The following TRIM44 variants were observed in gnomAD, a reference collection of about 807,000 sequenced individuals.
TRIM44 encodes tripartite motif-containing protein 44.
In TRIM44, 13 loss-of-function variants were observed where a neutral mutation model predicts 37.4. The observed-to-expected ratio is 0.35, with a 90% CI of 0.23 to 0.55. The LOEUF (loss-of-function observed/expected upper bound fraction) is 0.55. TRIM44 is among the 20% of genes least tolerant of loss of function. TRIM44 has a pLI of 0.89. For missense variants in TRIM44, 426 were observed against 437.2 expected (o/e 0.97, Z 0.23); for synonymous variants, 175 against 157.2 (o/e 1.11, Z -0.85).
intron 2 of TRIM44, among the ~76,000 whole-genome samples, chr11:35,710,137 C>T (rs911897423): frequency 1.1e-4 from 16 of 152,092 alleles, no homozygotes; most frequent in Non-Finnish European, 2.9e-5. Flanking sequence ...GCGCATACTC[C>T]TAAATTAAGT....
At position 35,715,425 on chromosome 11, in the gene TRIM44, T is replaced by TGG. The variant is rs145327895; in HGVS notation, c.748-10498_748-10497insGG. Among the ~76,000 whole-genome samples the TGG allele has an allele frequency of 7.7e-3, 1,156 of 150,818 alleles. 20 individuals are homozygous for TGG. The highest frequency in any genetic ancestry group is 0.027 in the African/African-American group (1,085 of 40,698). On this transcript the variant is annotated intron_variant, in intron 2 of 4. Transcript: ENST00000299413. Reference sequence around the variant, plus strand: ...GTGTATGTGTGTGTGTGTGTGTGTGTGTGTGGGTGTGGGTGTGGGTGTACA... The same window carrying TGG: ...GTGTATGTGTGTGTGTGTGTGTGTGTGGGTGTGGGTGTGGGTGTGGGTGTACA...
chr11:35,732,212 A>G (rs908393535), intron 3 of TRIM44, among the ~76,000 whole-genome samples: 1 of 152,188 alleles, frequency 6.6e-6, no homozygotes, highest in African/African-American at 2.4e-5. Context: ...TCATCATTAC[A>G]AGTTCATATA....
chr11:35,699,132 CCAT>C (rs1314053585), intron 2 of TRIM44, among the ~76,000 whole-genome samples: 1 of 147,482 alleles, frequency 6.8e-6, no homozygotes, highest in East Asian at 2.0e-4. Flanking sequence ...CTGTTCTGTT[CCAT>C]TGGTCTGTAT....
In TRIM44 at chr11:35,705,038, A is replaced by G. The variant is rs911364153; in HGVS notation, c.747+19702A>G. Reference sequence around the variant, plus strand: ...ACCCATCTCACGTGCAGAGACACACATAGGCTCAAAATAAAAGGATGGAGG... The same window carrying G: ...ACCCATCTCACGTGCAGAGACACACGTAGGCTCAAAATAAAAGGATGGAGG... On this transcript the variant is annotated intron_variant, in intron 2 of 4. Coordinates refer to ENST00000299413, the MANE Select transcript of TRIM44 (RefSeq NM_017583.6). 2.7e-5 allele frequency among the ~76,000 whole-genome samples: 4 copies of G among 148,982 alleles called. No individual in the cohort carries two copies. In the Admixed American group the frequency reaches 2.7e-4, roughly 10 times the overall value.
At chr11:35,738,605 T>A (rs1852354651) in intron 4 of TRIM44, among the ~76,000 whole-genome samples, 1 of 152,224 alleles carries the variant, frequency 6.6e-6, no homozygotes, top group Admixed American at 6.5e-5. Flanking sequence ...CTCAATTTAT[T>A]CTGATTAACC....
intron 2 of TRIM44, among the ~76,000 whole-genome samples, chr11:35,723,424 T>C (rs1033794155): frequency 6.6e-6 from 1 of 152,232 alleles, no homozygotes. Context: ...TCAGCTTGAT[T>C]GTAACTAACA....
chr11:35,787,377 T>C (rs535018190), intron 4 of TRIM44, among the ~76,000 whole-genome samples: 21 of 152,280 alleles, frequency 1.4e-4, no homozygotes, highest in Non-Finnish European at 2.6e-4. Context: ...ACAGTACATT[T>C]CCACAGTGTC....
At chr11:35,744,787 A>G (rs906284305) in intron 4 of TRIM44, among the ~76,000 whole-genome samples, 1 of 152,110 alleles carries the variant, frequency 6.6e-6, no homozygotes, top group African/African-American at 2.4e-5. Flanking sequence ...TGTTCTCATC[A>G]TTCAGCTCCC....
At position 35,814,950 on chromosome 11, in the gene TRIM44, C is replaced by T. The variant is rs1413405289; in HGVS notation, c.*8565C>T. 1 of 152,164 alleles carries T rather than the reference C, an allele frequency of 6.6e-6. No homozygotes were observed. Among genetic ancestry groups the T allele is most frequent in the African/African-American group, 2.4e-5 (1 of 41,434 alleles). 9.4% of individuals were successfully genotyped at this position (152,164 alleles called of 1,614,324 possible). A position where few individuals can be genotyped will look rare whatever the true frequency, so the allele number is the denominator to read the frequency against. On this transcript the variant is annotated 3_prime_UTR_variant, in exon 5 of 5. Transcript: ENST00000299413. ...CCTGGCTCGGACCCCAGATTCACATCATACTTGAAGTTCATAAATTCTGGG... is the reference window on the plus strand; with the variant it reads ...CCTGGCTCGGACCCCAGATTCACATTATACTTGAAGTTCATAAATTCTGGG...
At chr11:35,665,903 A>ATT (rs200469452) in intron 1 of TRIM44, among the ~76,000 whole-genome samples, 2 of 148,600 alleles carry the variant, frequency 1.3e-5, no homozygotes, top group Admixed American at 1.3e-4. Context: ...TTTGTTTCTG[A>ATT]TTTTTTTTGT....
chr11:35,762,042 G>T (rs1852737295), intron 4 of TRIM44, among the ~76,000 whole-genome samples: 1 of 152,186 alleles, frequency 6.6e-6, no homozygotes, highest in South Asian at 2.1e-4. Context: ...TTTCATGGCA[G>T]TGGCTGCCCT....
chr11:35,668,106 G>A (rs1379356211), intron 1 of TRIM44, among the ~76,000 whole-genome samples: 6 of 152,218 alleles, frequency 3.9e-5, no homozygotes, highest in Admixed American at 3.9e-4. Flanking sequence ...TTCCTGGAGA[G>A]AGTGAAGGGG....
intron 2 of TRIM44, among the ~76,000 whole-genome samples, chr11:35,718,369 C>T (rs182503711): frequency 3.5e-4 from 54 of 152,160 alleles, no homozygotes; most frequent in Admixed American, 2.8e-3. Context: ...AAAGTAATTG[C>T]AGTTTTTGCC....
intron 1 of TRIM44, among the ~76,000 whole-genome samples, chr11:35,668,115 G>T (rs1277227806): frequency 6.6e-6 from 1 of 152,146 alleles, no homozygotes; most frequent in African/African-American, 2.4e-5. Context: ...AGAGTGAAGG[G>T]GGAAGGGAGA....
intron 3 of TRIM44, among the ~76,000 whole-genome samples, chr11:35,726,693 A>AG: frequency 6.6e-6 from 1 of 152,260 alleles, no homozygotes; most frequent in Non-Finnish European, 1.5e-5. Context: ...TAAAAAAAAA[A>AG]AAAAACTATG....
chr11:35,707,318 C>T (rs1487765593), intron 2 of TRIM44, among the ~76,000 whole-genome samples: 4 of 152,076 alleles, frequency 2.6e-5, no homozygotes, highest in African/African-American at 4.8e-5. Flanking sequence ...GAATCAATAT[C>T]GTGAAAATGG....
intron 4 of TRIM44, among the ~76,000 whole-genome samples, chr11:35,740,274 C>G (rs1852379181): frequency 1.3e-5 from 2 of 151,756 alleles, no homozygotes; most frequent in African/African-American, 4.8e-5. Flanking sequence ...CCTGCTGGAG[C>G]CTGCTGAGAA....
chr11:35,799,826 A>G (rs995827858), intron 4 of TRIM44, among the ~76,000 whole-genome samples: 2 of 152,328 alleles, frequency 1.3e-5, no homozygotes, highest in African/African-American at 4.8e-5. Context: ...ACTGAAAGAG[A>G]GAAGGCTCAT....
intron 4 of TRIM44, among the ~76,000 whole-genome samples, chr11:35,789,223 C>T (rs1417597600): frequency 1.3e-5 from 2 of 152,052 alleles, no homozygotes; most frequent in Admixed American, 6.6e-5. Context: ...GACCTATGCA[C>T]CTCATGCTAA....
Sources: allele counts gnomAD v4.1 joint callset (sites outside exome capture counted in the v4.1 genomes callset), GRCh38; gene constraint gnomAD v4.1.1; transcripts MANE v1.5; gene names NCBI Gene and HGNC (gene_info 2026-07-23, HGNC 2026-07-21).